PRKCZ: variants seen among roughly 807,000 people sequenced by gnomAD.
PRKCZ encodes protein kinase C zeta type.
Under a neutral mutation model 79.5 loss-of-function variants are expected in PRKCZ, and 33 were observed. The observed-to-expected ratio is 0.41, with a 90% CI of 0.31 to 0.55. The LOEUF (loss-of-function observed/expected upper bound fraction) is 0.55. PRKCZ is among the 20% of genes least tolerant of loss of function. The probability of loss-of-function intolerance (pLI) is 0.19; values close to 1 mark genes in which losing one functional copy is unlikely to be tolerated. For missense variants in PRKCZ, 578 were observed against 813.5 expected, an observed-to-expected ratio of 0.71 and a Z score of 3.52; for synonymous variants, 342 against 320.9, an observed-to-expected ratio of 1.07 and a Z score of -0.70.
At chr1:2,148,685 G>A (rs894294550) in intron 7 of PRKCZ, among the ~76,000 whole-genome samples, 187 bp from the exon 8 acceptor site, 18 of 152,194 alleles carry the variant, frequency 1.2e-4, no homozygotes, top group African/African-American at 3.1e-4. Context: ...GGTCAGAGTC[G>A]GCAGGTGTGA....
chr1:2,146,148 T>TC, intron 7 of PRKCZ, 40 bp downstream of exon 7: 6 of 1,559,134 alleles, frequency 3.8e-6, no homozygotes, highest in Non-Finnish European at 5.3e-6. Flanking sequence ...AGCCTGGGCA[T>TC]CACCTCACCC....
At chr1:2,099,532 T>G (rs936461307) in intron 4 of PRKCZ, among the ~76,000 whole-genome samples, 5 of 151,582 alleles carry the variant, frequency 3.3e-5, no homozygotes, top group African/African-American at 4.9e-5. Context: ...GGGAAGGCCG[T>G]GGGGAGGAGT....
Position 2,185,196 on chromosome 1 carries a change from G to C in PRKCZ, c.*187G>C. On this transcript the variant is annotated 3_prime_UTR_variant, in exon 18 of 18. Coordinates refer to ENST00000378567, the MANE Select transcript of PRKCZ (RefSeq NM_002744.6). The stretch of plus-strand genomic sequence containing the variant: ...AGAACAGTCCCTCACACCTGGGCCC[G>C]GGCAGGCCAGCTTCGTGCTGGAGGA... 1.4e-6 allele frequency: 1 copy of C among 707,676 alleles called. No homozygotes were observed. The allele number at this position is 707,676 out of a possible 1,614,324, so 43.8% of individuals were successfully genotyped here. A position where few individuals can be genotyped will look rare whatever the true frequency, so the allele number is the denominator to read the frequency against.
intron 4 of PRKCZ, among the ~76,000 whole-genome samples, chr1:2,077,071 C>T (rs1046899915): frequency 1.3e-5 from 2 of 152,160 alleles, no homozygotes; most frequent in African/African-American, 4.8e-5. Context: ...TCAGGAGAGG[C>T]GAGACACCAA....
intron 4 of PRKCZ, among the ~76,000 whole-genome samples, chr1:2,087,984 G>T (rs910779447): frequency 6.6e-6 from 1 of 152,230 alleles, no homozygotes; most frequent in African/African-American, 2.4e-5. Context: ...CCTGGCGCGT[G>T]CTGGCCGCCT....
intron 3 of PRKCZ, among the ~76,000 whole-genome samples, chr1:2,058,757 G>A (rs151005215): frequency 1.1e-4 from 17 of 151,966 alleles, no homozygotes; most frequent in African/African-American, 2.7e-4. Flanking sequence ...TTAGCCGGGC[G>A]TGGTGGTGTA....
chr1:2,137,335 G>T (rs1449556903), intron 5 of PRKCZ, among the ~76,000 whole-genome samples: 1 of 152,236 alleles, frequency 6.6e-6, no homozygotes, highest in East Asian at 1.9e-4. Flanking sequence ...CCACATTGAG[G>T]GTGGGTCTTG....
chr1:2,160,938 G>A (rs1023426700), intron 10 of PRKCZ, among the ~76,000 whole-genome samples: 5 of 152,114 alleles, frequency 3.3e-5, no homozygotes, highest in African/African-American at 7.2e-5. Context: ...CCTCCTCAGG[G>A]CTGCAGGAGG....
At position 2,137,830 on chromosome 1, in the gene PRKCZ, G is replaced by A. The variant is rs1285794174; in HGVS notation, c.420+2483G>A. 2.6e-5 allele frequency among the ~76,000 whole-genome samples: 4 copies of A among 152,186 alleles called. No individual in the cohort carries two copies. In the East Asian group the frequency reaches 7.7e-4, roughly 29 times the overall value. On this transcript the variant is annotated intron_variant, in intron 5 of 17. Coordinates refer to ENST00000378567, the MANE Select transcript of PRKCZ (RefSeq NM_002744.6). ...CTTCCTGCAGACACTGGAGGAAAGGGTGGCAGGTGGACCCACCACAGCCCC... is the reference window on the plus strand; with the variant it reads ...CTTCCTGCAGACACTGGAGGAAAGGATGGCAGGTGGACCCACCACAGCCCC...
At chr1:2,099,623 AGGCTGT>A (rs1667119477) in intron 4 of PRKCZ, among the ~76,000 whole-genome samples, 1 of 152,168 alleles carries the variant, frequency 6.6e-6, no homozygotes, top group South Asian at 2.1e-4. Flanking sequence ...GGCACGGCAC[AGGCTGT>A]GGCTGTAGGT....
rs1668951094 is a variant in PRKCZ at position 2,108,099 on chromosome 1, G to A, written c.335-27163G>A. Among the ~76,000 whole-genome samples the A allele has an allele frequency of 2.0e-5, 3 of 152,360 alleles. No individual in the cohort carries two copies. The South Asian group carries it at 6.2e-4, about 32-fold the overall frequency. On this transcript the variant is annotated intron_variant, in intron 4 of 17. Transcript: ENST00000378567. ...CCTGTTCTGGGGGTAGAGAAGTCAG[G>A]TAGCCCAGGGCCCGCACTCTCAATA...
chr1:2,084,233 C>T (rs918642327), intron 4 of PRKCZ, among the ~76,000 whole-genome samples: 14 of 152,234 alleles, frequency 9.2e-5, no homozygotes, highest in Non-Finnish European at 1.9e-4. Flanking sequence ...GAGCGAAACT[C>T]TGTCTCAAAC....
At chr1:2,126,067 G>A (rs546207612) in intron 4 of PRKCZ, among the ~76,000 whole-genome samples, 6 of 151,986 alleles carry the variant, frequency 3.9e-5, no homozygotes, top group Admixed American at 1.3e-4. Context: ...CTGGGGCAGC[G>A]TCACCTGGGG....
At chr1:2,144,477 A>G (rs1355001618) in intron 6 of PRKCZ, 136 bp downstream of exon 6, 4 of 1,457,940 alleles carry the variant, frequency 2.7e-6, no homozygotes, top group Non-Finnish European at 3.6e-6. Context: ...TCTGGGCTGC[A>G]GCGTGAGACT....
intron 4 of PRKCZ, among the ~76,000 whole-genome samples, chr1:2,092,100 G>A (rs1250204350): frequency 1.3e-5 from 2 of 152,200 alleles, no homozygotes; most frequent in Admixed American, 1.3e-4. Context: ...GGGACCGGCA[G>A]GCATCGCGCT....
At position 2,068,659 on chromosome 1, in the gene PRKCZ, C is replaced by T. The variant is rs573888670; in HGVS notation, c.334+9068C>T. Among the ~76,000 whole-genome samples the T allele has an allele frequency of 3.9e-5, 6 of 152,350 alleles. No individual in the cohort carries two copies. The South Asian group carries it at 1.0e-3, about 26-fold the overall frequency. On this transcript the variant is annotated intron_variant, in intron 4 of 17. Coordinates refer to ENST00000378567, the MANE Select transcript of PRKCZ (RefSeq NM_002744.6). ...TTTTTGGAGGCCCATCCTCAACGCA[C>T]CACAGTTGACTACATCAAGGTCTGC...
intron 11 of PRKCZ, among the ~76,000 whole-genome samples, chr1:2,170,040 C>A (rs192516033): frequency 6.6e-6 from 1 of 152,082 alleles, no homozygotes; most frequent in Non-Finnish European, 1.5e-5. Flanking sequence ...ATGCCTCATC[C>A]GAGAGAAGTG....
chr1:2,176,106 C>A (rs1398283953), intron 16 of PRKCZ, among the ~76,000 whole-genome samples: 1 of 152,070 alleles, frequency 6.6e-6, no homozygotes, highest in Non-Finnish European at 1.5e-5. Context: ...AATCTGATTT[C>A]GGTGGTGTGT....
At chr1:2,067,724 G>T (rs145280269) in intron 4 of PRKCZ, among the ~76,000 whole-genome samples, 1 of 152,174 alleles carries the variant, frequency 6.6e-6, no homozygotes, top group Non-Finnish European at 1.5e-5. Flanking sequence ...CTGCAGTGCC[G>T]GGTGAGGCCA....
Sources: allele counts gnomAD v4.1 joint callset (sites outside exome capture counted in the v4.1 genomes callset), GRCh38; gene constraint gnomAD v4.1.1; transcripts MANE v1.5; gene names NCBI Gene and HGNC (gene_info 2026-07-23, HGNC 2026-07-21).